Variants in KIF7 observed in about 807,000 individuals in gnomAD.
The protein encoded by KIF7 is kinesin family member 7.
KIF7 carries 104 observed loss-of-function variants against 135.7 expected under a neutral mutation model. The ratio of observed to expected loss-of-function variants is 0.77; its 90% CI spans 0.65 to 0.90. The LOEUF (loss-of-function observed/expected upper bound fraction) is 0.90. Ranked by LOEUF, KIF7 falls within the 40% of genes least tolerant of loss-of-function variation. The pLI is 0.00. For synonymous variants in KIF7, 883 were observed against 809.4 expected, an observed-to-expected ratio of 1.09 and a Z score of -1.54; for missense variants, 2,005 against 1,839.1, an observed-to-expected ratio of 1.09 and a Z score of -1.65.
At chr15:89,646,544 G>A in intron 7 of KIF7, among the ~76,000 whole-genome samples, 1 of 152,100 alleles carries the variant, frequency 6.6e-6, no homozygotes. Context: ...AGTGTGCAAG[G>A]TTTCCACCCG....
chr15:89,623,612 T>G, downstream of KIF7: 2 of 1,591,720 alleles, frequency 1.3e-6, no homozygotes, highest in Non-Finnish European at 1.7e-6. Flanking sequence ...AATAAGCATT[T>G]CTCTTTTCAG....
upstream of KIF7, among the ~76,000 whole-genome samples, chr15:89,655,648 C>T (rs2142041558): frequency 6.6e-6 from 1 of 152,268 alleles, no homozygotes; most frequent in South Asian, 2.1e-4. Flanking sequence ...CTCATGATGG[C>T]ATCGCCTTAT....
chr15:89,658,274 G>C (rs1002855740), upstream of KIF7, among the ~76,000 whole-genome samples: 5 of 150,200 alleles, frequency 3.3e-5, no homozygotes, highest in African/African-American at 1.2e-4. Context: ...AACATAGCGA[G>C]ACCTCATCTC....
chr15:89,626,016 C>T, downstream of KIF7: 1 of 1,613,670 alleles, frequency 6.2e-7, no homozygotes, highest in Non-Finnish European at 8.5e-7. Flanking sequence ...GTCTCCGCTG[C>T]TGTTCCAGGG....
rs758378987 is a variant in KIF7 at position 89,633,852 on chromosome 15, C to A, written c.2426G>T (p.Arg809Leu). 5 of 1,613,816 alleles carry A rather than the reference C, an allele frequency of 3.1e-6. No homozygotes were observed. The Admixed American group carries it at 8.3e-5, about 27-fold the overall frequency. ...ACTCTGGGCCGACAGTGACACCAGC[C>A]GCTCCGTAGCCTGCTTCTTCTCCTT... ...VLKEKKQATE[R>L]LVSLSAQSEK... The change falls in exon 12 of 19, where the codon CGG becomes CTG. Residue 809 changes from arginine (R) to leucine (L), a missense_variant. Coordinates refer to ENST00000394412, the MANE Select transcript of KIF7 (RefSeq NM_198525.3).
At position 89,652,671 on chromosome 15, in the gene KIF7, T is replaced by A; in HGVS notation, c.260A>T (p.Asn87Ile). ...CTGACCATAGGCAAAGACAGTGGCA[T>A]TGAAGCCCTCGAAGAAGGCCTCAAG... ...PLLEAFFEGF[N>I]ATVFAYGQTG... Residue 87 changes from asparagine (N) to isoleucine (I), a missense_variant, in exon 2 of 19, where the codon AAT becomes ATT. Transcript: ENST00000394412. 6.4e-7 allele frequency: 1 copy of A among 1,551,178 alleles called. No homozygotes were observed. Among genetic ancestry groups the A allele is most frequent in the Middle Eastern group, 1.7e-4 (1 of 5,990 alleles).
downstream of KIF7, among the ~76,000 whole-genome samples, chr15:89,623,363 G>C (rs749953249): frequency 4.7e-4 from 72 of 152,220 alleles, no homozygotes; most frequent in Admixed American, 3.1e-3. Flanking sequence ...AAAAAGCATG[G>C]TTTAGCAATA....
chr15:89,635,645 T>G (rs145317542), intron 11 of KIF7, among the ~76,000 whole-genome samples: 1 of 151,978 alleles, frequency 6.6e-6, no homozygotes, highest in Admixed American at 6.6e-5. Flanking sequence ...TAAAAAGAAA[T>G]GAGCAAAGCC....
rs1410526224 is a variant in KIF7 at position 89,649,876 on chromosome 15, C to T, written c.394G>A (p.Asp132Asn). Residue 132 changes from aspartate to asparagine, a missense_variant, in exon 3 of 19, where the codon GAT becomes AAT. Coordinates refer to ENST00000394412, the MANE Select transcript of KIF7 (RefSeq NM_198525.3). ...RAMAEAFKLI[D>N]ENDLLDCLVH... is the part of the protein sequence containing the mutation. ...AGACAGTCAAGCAGGTCGTTCTCAT[C>T]GATGAGCTTGAAGGCCTCGGCCATG... The T allele has an allele frequency of 3.9e-6, 6 of 1,551,670 alleles. No homozygotes were observed. The highest frequency in any genetic ancestry group is 3.9e-5 in the Admixed American group (2 of 50,996).
upstream of KIF7, among the ~76,000 whole-genome samples, chr15:89,656,167 A>T (rs915938313): frequency 6.6e-6 from 1 of 152,206 alleles, no homozygotes; most frequent in Non-Finnish European, 1.5e-5. Context: ...TAAAGGCCAT[A>T]GAAATTGCCA....
intron 1 of KIF7, chr15:89,621,527 T>C: frequency 6.2e-7 from 1 of 1,613,376 alleles, no homozygotes; most frequent in Non-Finnish European, 8.5e-7. Flanking sequence ...CACTTTGGAT[T>C]CGGAGGTACC....
rs189251712 is a variant in KIF7 at position 89,654,815 on chromosome 15, T to C, written c.-25+584A>G. Among the ~76,000 whole-genome samples the C allele has an allele frequency of 4.5e-3, 679 of 152,278 alleles. 7 individuals are homozygous for C. The highest frequency in any genetic ancestry group is 0.014 in the African/African-American group (590 of 41,556). On this transcript the variant is annotated intron_variant, in intron 1 of 18. Coordinates refer to ENST00000394412, the MANE Select transcript of KIF7 (RefSeq NM_198525.3). Reference sequence around the variant, plus strand: ...ACTTCATTCTTTACCCTTCAACCTCTCTCTCAGCACAGTAACCTTTCGTTA... The same window carrying C: ...ACTTCATTCTTTACCCTTCAACCTCCCTCTCAGCACAGTAACCTTTCGTTA...
chr15:89,627,355 A>C, downstream of KIF7: 1 of 417,484 alleles, frequency 2.4e-6, no homozygotes, highest in South Asian at 4.6e-5. Flanking sequence ...CAGACAAGGA[A>C]TCCCATTCCA....
At chr15:89,650,487 G>A (rs1254841871) in intron 2 of KIF7, among the ~76,000 whole-genome samples, 1 of 152,092 alleles carries the variant, frequency 6.6e-6, no homozygotes, top group African/African-American at 2.4e-5. Context: ...TCCACCTTCC[G>A]GTTTCAAGCG....
chr15:89,621,635 G>A (rs1016233879), intron 1 of KIF7: 1 of 1,174,770 alleles, frequency 8.5e-7, no homozygotes. Flanking sequence ...CATTAGGGAA[G>A]AGAAAGCAGG....
chr15:89,629,358 T>C lies in KIF7; in HGVS notation c.3517+17A>G, dbSNP rs1161302256. 3 of 1,573,400 alleles carry C rather than the reference T, an allele frequency of 1.9e-6. No homozygotes were observed. The African/African-American group carries it at 4.1e-5, about 21-fold the overall frequency. Reference sequence around the variant, plus strand: ...TGGAGGGGGCCGGGGTTGTGAGCCATGGGCCGGGCTGCTCACCTCGACTCT... The same window carrying C: ...TGGAGGGGGCCGGGGTTGTGAGCCACGGGCCGGGCTGCTCACCTCGACTCT... On this transcript the variant is annotated intron_variant, in intron 17 of 18. Transcript: ENST00000394412.
chr15:89,662,753 G>A, the KIF7 span, among the ~76,000 whole-genome samples: 1 of 152,194 alleles, frequency 6.6e-6, no homozygotes, highest in African/African-American at 2.4e-5. Flanking sequence ...GCAGAACAGA[G>A]GAAAGTCCCC....
the KIF7 span, among the ~76,000 whole-genome samples, chr15:89,660,514 A>G: frequency 6.6e-6 from 1 of 152,280 alleles, no homozygotes; most frequent in South Asian, 2.1e-4. Context: ...CTGGAGCTGG[A>G]GCAGCTATCT....
chr15:89,623,890 A>C, downstream of KIF7: 1 of 1,614,036 alleles, frequency 6.2e-7, no homozygotes, highest in Non-Finnish European at 8.5e-7. Context: ...GAAGACACCA[A>C]GAACTCCTAA....
Sources: gnomAD v4.1 joint callset for allele counts (sites outside exome capture counted in the v4.1 genomes callset) on GRCh38, gnomAD v4.1.1 for gene constraint, MANE v1.5 for transcripts, NCBI Gene and HGNC (gene_info 2026-07-23, HGNC 2026-07-21) for gene names.